Variants in CBFA2T3 observed in about 807,000 individuals in gnomAD.
CBFA2T3 encodes CBFA2/RUNX1 partner transcriptional co-repressor 3.
Under a neutral mutation model 58.6 loss-of-function variants are expected in CBFA2T3, and 31 were observed. That is an observed-to-expected ratio of 0.53 (90% CI 0.40 to 0.71). The LOEUF is 0.71. CBFA2T3 is among the 30% of genes least tolerant of loss of function. The pLI is 0.00. For missense variants in CBFA2T3, 1,076 were observed against 963.1 expected (o/e 1.12, Z -1.55); for synonymous variants, 531 against 421.9 (o/e 1.26, Z -3.17).
rs758562596 is a variant in CBFA2T3, at chr16:88,892,266, C to T, written c.599G>A (p.Arg200His). ...CACCACCAGGCCCAGCACCAGTGTG[C>T]GCACGCGCTCCCCAATCTCTGGGGA... is the stretch of plus-strand genomic sequence containing the variant. ...DISPEIGERV[R>H]TLVLGLVNST... Residue 200 changes from arginine (R) to histidine (H), a missense_variant, in exon 4 of 12, where the codon CGC becomes CAC. Arg to His is a conservative substitution (Grantham distance 29). Transcript: ENST00000268679. 35 of 1,610,792 alleles carry T rather than the reference C, an allele frequency of 2.2e-5. No individual in the cohort carries two copies. Among genetic ancestry groups the T allele is most frequent in the Middle Eastern group, 3.8e-4 (2 of 5,204 alleles).
At chr16:88,950,474 C>G (rs1481781495) in intron 1 of CBFA2T3, 1 of 413,072 alleles carries the variant, frequency 2.4e-6, no homozygotes, top group South Asian at 1.7e-5. Flanking sequence ...TCACCCCTCC[C>G]CCGGACCGGC....
In CBFA2T3 at chr16:88,953,016, C is replaced by G. The variant is rs1022693344; in HGVS notation, c.151+23641G>C. On this transcript the variant is annotated intron_variant, in intron 1 of 11. Transcript: ENST00000268679. This position sits in a 1 kb window ranked among gnomAD's most constrained non-coding sequence, Gnocchi z 4.9. Reference sequence around the variant, plus strand: ...GTGTCGAGACGGCATGTCCCGCCATCGGGTTTGCTGCTGAATGAGCAGATG... The same window carrying G: ...GTGTCGAGACGGCATGTCCCGCCATGGGGTTTGCTGCTGAATGAGCAGATG... Among the ~76,000 whole-genome samples the G allele has an allele frequency of 2.0e-5, 3 of 151,938 alleles. No homozygotes were observed. The highest frequency in any genetic ancestry group is 7.3e-5 in the African/African-American group (3 of 41,366).
At position 88,966,392 on chromosome 16, in the gene CBFA2T3, C is replaced by T. The variant is rs118127599; in HGVS notation, c.151+10265G>A. On this transcript the variant is annotated intron_variant, in intron 1 of 11. Transcript: ENST00000268679. ...CACAGAGGAGAGCAGAGCGGGGGAT[C>T]GCGAGTCCACAGACCTCCCGGCCCC... is the stretch of plus-strand genomic sequence containing the variant. Among the ~76,000 whole-genome samples, 65 of 151,898 alleles carry T rather than the reference C, an allele frequency of 4.3e-4. No homozygotes were observed. The East Asian group carries it at 9.9e-3, about 23-fold the overall frequency.
At chr16:88,880,573 G>C in intron 10 of CBFA2T3, 147 bp downstream of exon 10, 1 of 691,428 alleles carries the variant, frequency 1.4e-6, no homozygotes, top group East Asian at 2.7e-5. Context: ...TGACCTCTCC[G>C]TGAGCCACAC....
At chr16:88,888,809 G>A (rs371007386) in intron 5 of CBFA2T3, among the ~76,000 whole-genome samples, 4 of 151,918 alleles carry the variant, frequency 2.6e-5, no homozygotes, top group Non-Finnish European at 4.4e-5. Context: ...GGCCCCGGGT[G>A]GGGGCACGAG....
intron 2 of CBFA2T3, among the ~76,000 whole-genome samples, chr16:88,898,719 C>T (rs1037458357): frequency 6.6e-6 from 1 of 152,176 alleles, no homozygotes; most frequent in African/African-American, 2.4e-5. Context: ...GAGGAGGAAG[C>T]ACCAAACAGG....
In CBFA2T3 at chr16:88,879,700, AAC is replaced by A. The variant is rs1332065190; in HGVS notation, c.1472-242_1472-241del. On this transcript the variant is annotated intron_variant, in intron 10 of 11. Coordinates refer to ENST00000268679, the MANE Select transcript of CBFA2T3 (RefSeq NM_005187.6). ...CTGTGCAGACAAGTGCATGCAAATA[AAC>A]ACAGGCATCCCAGGCATGTGTGTGC... is the stretch of plus-strand genomic sequence containing the variant. The A allele has an allele frequency of 4.0e-5, 20 of 495,580 alleles. No individual in the cohort carries two copies. In the Admixed American group the frequency reaches 5.7e-4, roughly 14 times the overall value. The allele number at this position is 495,580 out of a possible 1,614,324, so 30.7% of individuals were successfully genotyped here.
intron 11 of CBFA2T3, among the ~76,000 whole-genome samples, chr16:88,877,879 G>T (rs575018926): frequency 6.6e-6 from 1 of 152,362 alleles, no homozygotes; most frequent in African/African-American, 2.4e-5. Context: ...GGCCTGGCTG[G>T]ATCTCTCACA....
chr16:88,954,274 C>G (rs1972150504), intron 1 of CBFA2T3, among the ~76,000 whole-genome samples: 1 of 152,202 alleles, frequency 6.6e-6, no homozygotes, highest in South Asian at 2.1e-4. Flanking sequence ...AGCCCCCTTC[C>G]CCTACAGCCC....
chr16:88,972,544 G>C (rs564161131), intron 1 of CBFA2T3, among the ~76,000 whole-genome samples: 3 of 152,306 alleles, frequency 2.0e-5, no homozygotes, highest in East Asian at 3.9e-4. Flanking sequence ...CGATGCTGCT[G>C]GCTTTCTGCC....
chr16:88,903,326 G>C (rs1489681622), intron 1 of CBFA2T3, among the ~76,000 whole-genome samples: 2 of 152,222 alleles, frequency 1.3e-5, no homozygotes, highest in Non-Finnish European at 2.9e-5. Flanking sequence ...GTGGCGCCTG[G>C]GCTCTAACCG....
At chr16:88,906,989 G>C (rs1970360735) in intron 1 of CBFA2T3, among the ~76,000 whole-genome samples, 1 of 151,508 alleles carries the variant, frequency 6.6e-6, no homozygotes, top group South Asian at 2.1e-4. Flanking sequence ...TCACCATACA[G>C]GGTCTGGGGT....
chr16:88,964,358 T>C (rs968995463), intron 1 of CBFA2T3, among the ~76,000 whole-genome samples: 4 of 152,248 alleles, frequency 2.6e-5, no homozygotes, highest in Non-Finnish European at 2.9e-5. Context: ...CTGGCCCTCC[T>C]GGTGTTAGCC....
intron 1 of CBFA2T3, among the ~76,000 whole-genome samples, chr16:88,971,399 G>A (rs1972652798): frequency 1.3e-5 from 2 of 152,166 alleles, no homozygotes; most frequent in Admixed American, 1.3e-4. Flanking sequence ...CATGAGTCAC[G>A]GCACCTGGCC....
At chr16:88,974,647 C>T (rs546155628) in intron 1 of CBFA2T3, among the ~76,000 whole-genome samples, 1 of 152,214 alleles carries the variant, frequency 6.6e-6, no homozygotes, top group South Asian at 2.1e-4. Context: ...AGTTTAAAGC[C>T]AATCGGCCTG....
chr16:88,903,442 C>T (rs892942167), intron 1 of CBFA2T3, among the ~76,000 whole-genome samples: 1 of 152,156 alleles, frequency 6.6e-6, no homozygotes, highest in African/African-American at 2.4e-5. Context: ...CTCGCGGCAC[C>T]TGCTGTCCCC....
At chr16:88,904,044 T>C (rs1220180403) in intron 1 of CBFA2T3, among the ~76,000 whole-genome samples, 1 of 152,238 alleles carries the variant, frequency 6.6e-6, no homozygotes, top group African/African-American at 2.4e-5. Context: ...TGGGCCGTCA[T>C]GCCACGGCGC....
rs577450256 is a variant in CBFA2T3 at position 88,902,946 on chromosome 16, G to A, written c.152-1290C>T. Among the ~76,000 whole-genome samples the A allele has an allele frequency of 9.3e-4, 142 of 152,250 alleles. 1 individual carries two copies. The highest frequency in any genetic ancestry group is 3.1e-3 in the African/African-American group (129 of 41,542). On this transcript the variant is annotated intron_variant, in intron 1 of 11. Coordinates refer to ENST00000268679, the MANE Select transcript of CBFA2T3 (RefSeq NM_005187.6). ...GCACCCTCCTCCTGTTAACACCTGT[G>A]GGTCTCACCCACGACTGCCCTGCAC...
chr16:88,894,583 T>C lies in CBFA2T3; in HGVS notation c.380-2098A>G, dbSNP rs923826821. Among the ~76,000 whole-genome samples the C allele has an allele frequency of 1.5e-4, 22 of 148,174 alleles. 1 individual carries two copies. The highest frequency in any genetic ancestry group is 3.9e-4 in the African/African-American group (15 of 38,910). On this transcript the variant is annotated intron_variant, in intron 3 of 11. Transcript: ENST00000268679. Reference sequence around the variant, plus strand: ...ACACACACATGCACACACACATGCATACATATACACATGCACACAATGTAC... The same window carrying C: ...ACACACACATGCACACACACATGCACACATATACACATGCACACAATGTAC...
Sources: gnomAD v4.1 joint callset for allele counts (sites outside exome capture counted in the v4.1 genomes callset) on GRCh38, gnomAD v4.1.1 for gene constraint, Gnocchi (gnomAD v3.1) non-coding constraint, MANE v1.5 for transcripts, NCBI Gene and HGNC (gene_info 2026-07-23, HGNC 2026-07-21) for gene names.